VPS35L: variants seen among roughly 807,000 people sequenced by gnomAD.
VPS35L encodes VPS35 endosomal protein-sorting factor-like.
Under a neutral mutation model 133.0 loss-of-function variants are expected in VPS35L, and 83 were observed. That is an observed-to-expected ratio of 0.62 (90% CI 0.52 to 0.75). VPS35L has a LOEUF of 0.75. Among genes scored for constraint, VPS35L ranks in the 30% least tolerant of loss-of-function variants. The pLI is 0.00. For synonymous variants in VPS35L, 423 were observed against 449.9 expected (o/e 0.94, Z 0.76); for missense variants, 1,083 against 1,206.8 (o/e 0.90, Z 1.52).
intron 8 of VPS35L, among the ~76,000 whole-genome samples, chr16:19,594,310 G>T (rs147685097): frequency 4.1e-4 from 63 of 152,268 alleles, no homozygotes; most frequent in African/African-American, 1.5e-3. Context: ...CAGGCTCTCT[G>T]CAGGCCACTA....
At chr16:19,613,009 GAGTA>G (rs1337588834) in intron 12 of VPS35L, among the ~76,000 whole-genome samples, 1 of 152,096 alleles carries the variant, frequency 6.6e-6, no homozygotes. Context: ...AACATTAAAA[GAGTA>G]AGAGAGACCA....
At chr16:19,583,477 C>G (rs1010695759) in intron 7 of VPS35L, among the ~76,000 whole-genome samples, 2 of 151,978 alleles carry the variant, frequency 1.3e-5, no homozygotes, top group African/African-American at 4.8e-5. Context: ...ATGATCAAAT[C>G]CAAGTAATTA....
rs1267594345 is a variant in VPS35L, at chr16:19,640,111, C to T, written c.1784+11C>T. 1.9e-6 allele frequency: 3 copies of T among 1,609,608 alleles called. No individual in the cohort carries two copies. Among genetic ancestry groups the T allele is most frequent in the Non-Finnish European group, 2.6e-6 (3 of 1,176,028 alleles). ...GGACGCCTTTATCAAGTGAGTGCCA[C>T]TGCGTGCAGCAGAAGCCTTGATTCC... On this transcript the variant is annotated intron_variant, in intron 21 of 30. Transcript: ENST00000417362.
intron 13 of VPS35L, 30 bp downstream of exon 13, chr16:19,616,221 G>A (rs1039445279): frequency 5.1e-6 from 8 of 1,554,304 alleles, no homozygotes; most frequent in Admixed American, 1.7e-5. Flanking sequence ...ATAGCTCATC[G>A]ATATAACAGT....
intron 5 of VPS35L, 103 bp from the exon 6 acceptor site, chr16:19,578,949 T>G: frequency 1.1e-6 from 1 of 928,628 alleles, no homozygotes; most frequent in South Asian, 1.4e-5. Context: ...AATCATTCCC[T>G]TGTGTCTTTA....
Position 19,691,434 on chromosome 16 carries a change from A to G in VPS35L, c.2609A>G (p.Gln870Arg), listed in dbSNP as rs761426241. The change falls in exon 29 of 31, where the codon CAG becomes CGG. Residue 870 changes from glutamine (Q) to arginine (R), a missense_variant. Coordinates refer to ENST00000417362, the MANE Select transcript of VPS35L (RefSeq NM_020314.7). Reference sequence around the variant, plus strand: ...AAGCTGTGTGAGACGGTGATGGCTCAGATCCTAGAGCATCTGAAAACCCTG... The same window carrying G: ...AAGCTGTGTGAGACGGTGATGGCTCGGATCCTAGAGCATCTGAAAACCCTG... ...NNKLCETVMA[Q>R]ILEHLKTLAK... 8 of 1,613,938 alleles carry G rather than the reference A, an allele frequency of 5.0e-6. No homozygotes were observed. Among genetic ancestry groups the G allele is most frequent in the South Asian group, 3.3e-5 (3 of 91,086 alleles).
At chr16:19,656,962 GTTT>G (rs1180404849) in intron 26 of VPS35L, among the ~76,000 whole-genome samples, 7 of 109,532 alleles carry the variant, frequency 6.4e-5, no homozygotes, top group Admixed American at 1.0e-4. Flanking sequence ...AAAAGAACTT[GTTT>G]TTTTTTTTTT....
At chr16:19,637,892 T>C (rs1315829180) in intron 20 of VPS35L, among the ~76,000 whole-genome samples, 1 of 152,254 alleles carries the variant, frequency 6.6e-6, no homozygotes, top group Non-Finnish European at 1.5e-5. Context: ...TCCTTACTTA[T>C]GGGATATGTA....
intron 27 of VPS35L, among the ~76,000 whole-genome samples, chr16:19,671,628 T>A (rs1219004605): frequency 1.3e-5 from 2 of 151,426 alleles, no homozygotes; most frequent in Non-Finnish European, 2.9e-5. Context: ...AATACAAAAA[T>A]TAGCCAGGAG....
At chr16:19,568,699 G>A (rs977672224) in intron 2 of VPS35L, among the ~76,000 whole-genome samples, 4 of 152,136 alleles carry the variant, frequency 2.6e-5, no homozygotes, top group African/African-American at 9.7e-5. Flanking sequence ...AGCTTGGAGT[G>A]CAGTGGTGCG....
At chr16:19,619,436 A>G (rs142947255) in intron 14 of VPS35L, among the ~76,000 whole-genome samples, 2,541 of 152,272 alleles carry the variant, frequency 0.017, 67 homozygotes, top group African/African-American at 0.056. Context: ...GGTCCTCAGC[A>G]TAGTTTCAGC....
At chr16:19,572,065 G>T (rs142712031) in intron 3 of VPS35L, among the ~76,000 whole-genome samples, 1 of 151,972 alleles carries the variant, frequency 6.6e-6, no homozygotes, top group Non-Finnish European at 1.5e-5. Context: ...CATGTGTCTC[G>T]AACACACACA....
intron 9 of VPS35L, among the ~76,000 whole-genome samples, chr16:19,604,295 A>G (rs1398876068): frequency 6.6e-6 from 1 of 152,118 alleles, no homozygotes; most frequent in African/African-American, 2.4e-5. Flanking sequence ...CCTTTCTCCC[A>G]GTCTTCAGTG....
At chr16:19,674,723 AC>A (rs1975002755) in intron 27 of VPS35L, among the ~76,000 whole-genome samples, 1 of 151,146 alleles carries the variant, frequency 6.6e-6, no homozygotes, top group South Asian at 2.1e-4. Flanking sequence ...TCATTCCCCT[AC>A]CCCCACCCCC....
chr16:19,589,446 C>G (rs1421949019), intron 7 of VPS35L, among the ~76,000 whole-genome samples: 1 of 152,014 alleles, frequency 6.6e-6, no homozygotes, highest in Admixed American at 6.6e-5. Context: ...GGTCTCACTA[C>G]ATTGCCCAAG....
intron 22 of VPS35L, among the ~76,000 whole-genome samples, chr16:19,643,735 C>T (rs1195224551): frequency 6.6e-6 from 1 of 151,652 alleles, no homozygotes; most frequent in Non-Finnish European, 1.5e-5. Context: ...CACCTGAGGT[C>T]AGGAGTTTGA....
intron 3 of VPS35L, among the ~76,000 whole-genome samples, chr16:19,571,567 C>T (rs948178394): frequency 3.3e-5 from 5 of 150,848 alleles, no homozygotes; most frequent in African/African-American, 7.4e-5. Context: ...TTTTTTGAGA[C>T]GGAGTCTCAT....
chr16:19,622,254 C>T (rs1002316423), intron 14 of VPS35L, among the ~76,000 whole-genome samples: 18 of 150,426 alleles, frequency 1.2e-4, no homozygotes, highest in African/African-American at 4.1e-4. Context: ...AAGCAGTTCT[C>T]CTGCCTCAGC....
At chr16:19,597,177 T>C (rs1972243046) in intron 8 of VPS35L, among the ~76,000 whole-genome samples, 1 of 152,056 alleles carries the variant, frequency 6.6e-6, no homozygotes, top group Non-Finnish European at 1.5e-5. Flanking sequence ...AAGACCATCC[T>C]GGGCAGCATA....
Sources: gnomAD v4.1 joint callset for allele counts (sites outside exome capture counted in the v4.1 genomes callset) on GRCh38, gnomAD v4.1.1 for gene constraint, MANE v1.5 for transcripts, NCBI Gene and HGNC (gene_info 2026-07-23, HGNC 2026-07-21) for gene names.